Variants in NPIPB2 observed in about 807,000 individuals in gnomAD.
The protein encoded by NPIPB2 is nuclear pore complex interacting protein family member B2.
In NPIPB2, 27 loss-of-function variants were observed where a neutral mutation model predicts 30.8. The observed-to-expected ratio is 0.88, with a 90% CI of 0.65 to 1.21. The LOEUF is 1.21. Ranked by LOEUF, NPIPB2 falls within the 50% of genes most tolerant of loss-of-function variation. The probability of loss-of-function intolerance (pLI) is 0.00; values close to 1 mark genes in which losing one functional copy is unlikely to be tolerated. For synonymous variants in NPIPB2, 147 were observed against 162.0 expected (o/e 0.91, Z 0.70); for missense variants, 440 against 446.2 (o/e 0.99, Z 0.13).
chr16:11,931,340 G>T (rs1227400455), intron 4 of NPIPB2, among the ~76,000 whole-genome samples: 1 of 143,282 alleles, frequency 7.0e-6, no homozygotes, highest in Non-Finnish European at 1.5e-5. Flanking sequence ...TAAGTTTGCT[G>T]TGTTGCCCTC....
chr16:11,940,599 T>C (rs1270143149), intron 1 of NPIPB2, among the ~76,000 whole-genome samples: 1 of 133,290 alleles, frequency 7.5e-6, no homozygotes, highest in Non-Finnish European at 1.6e-5. Flanking sequence ...TAGCCAGGCG[T>C]GGTGGTCTAC....
At chr16:11,955,942 G>C (rs552211870) in intron 1 of NPIPB2, among the ~76,000 whole-genome samples, 1 of 151,864 alleles carries the variant, frequency 6.6e-6, no homozygotes, top group South Asian at 2.1e-4. Flanking sequence ...GACTCAGCCA[G>C]CCCCAGGCCT....
At chr16:11,947,383 C>A (rs564321479) in intron 1 of NPIPB2, among the ~76,000 whole-genome samples, 290 of 150,016 alleles carry the variant, frequency 1.9e-3, no homozygotes, top group African/African-American at 6.5e-3. Context: ...CTCGCTCTGT[C>A]GCCCAGGCTG....
chr16:11,965,349 T>C lies in NPIPB2; in HGVS notation c.-584+11219A>G, dbSNP rs767384244. 2.5e-6 allele frequency: 4 copies of C among 1,614,234 alleles called. No homozygotes were observed. In the South Asian group the frequency reaches 4.4e-5, roughly 18 times the overall value. On this transcript the variant is annotated intron_variant, in intron 1 of 5. Transcript: ENST00000538896. ...CATGTTGCAGATGGCTGGGCAGTGCTCCCAAAATGAATATTTTGACAGTTT... is the reference window on the plus strand; with the variant it reads ...CATGTTGCAGATGGCTGGGCAGTGCCCCCAAAATGAATATTTTGACAGTTT...
At chr16:11,961,386 C>T (rs1322650776) in intron 1 of NPIPB2, among the ~76,000 whole-genome samples, 1 of 151,952 alleles carries the variant, frequency 6.6e-6, no homozygotes, top group African/African-American at 2.4e-5. Flanking sequence ...AGTTCAAAAT[C>T]TTTCCTAGGC....
intron 1 of NPIPB2, among the ~76,000 whole-genome samples, chr16:11,962,896 G>GT (rs2055164307): frequency 6.6e-6 from 1 of 151,956 alleles, no homozygotes; most frequent in African/African-American, 2.4e-5. Context: ...GTGAAATCCT[G>GT]TCTGTACTAA....
chr16:11,952,813 G>T (rs569703075), intron 1 of NPIPB2, among the ~76,000 whole-genome samples: 1 of 152,058 alleles, frequency 6.6e-6, no homozygotes, highest in East Asian at 1.9e-4. Flanking sequence ...TAATCCACCC[G>T]CCTCGGCCTC....
rs2055191346 is a variant in NPIPB2 at position 11,966,102 on chromosome 16, C to A, written c.-584+10466G>T. 5.9e-6 allele frequency: 8 copies of A among 1,354,164 alleles called. No individual in the cohort carries two copies. In the East Asian group the frequency reaches 7.9e-5, roughly 13 times the overall value. The allele number at this position is 1,354,164 out of a possible 1,614,324, so 83.9% of individuals were successfully genotyped here. The stretch of plus-strand genomic sequence containing the variant: ...CTCTAGCCTGGGCAACAGAGCAAGA[C>A]TTTGTCTCAAAATAAATAAATAAAT... On this transcript the variant is annotated intron_variant, in intron 1 of 5. Transcript: ENST00000538896.
intron 1 of NPIPB2, chr16:11,966,141 T>A: frequency 6.7e-7 from 1 of 1,495,734 alleles, no homozygotes; most frequent in Non-Finnish European, 9.1e-7. Flanking sequence ...AACAATAAAG[T>A]ATGTGAATAT....
At chr16:11,954,151 T>C (rs2055090960) in intron 1 of NPIPB2, among the ~76,000 whole-genome samples, 1 of 152,142 alleles carries the variant, frequency 6.6e-6, no homozygotes, top group Admixed American at 6.6e-5. Context: ...TTTGTATCTC[T>C]TTCATGCAAA....
At chr16:11,946,022 CAAAA>C (rs200825715), upstream of NPIPB2, among the ~76,000 whole-genome samples, 3 of 70,182 alleles carry the variant, frequency 4.3e-5, no homozygotes, top group Non-Finnish European at 5.8e-5. Flanking sequence ...GTGGCTTCTA[CAAAA>C]AAAAAAAAAA....
intron 1 of NPIPB2, chr16:11,941,250 G>A: frequency 6.6e-7 from 1 of 1,519,152 alleles, no homozygotes; most frequent in Non-Finnish European, 8.8e-7. Context: ...GCATGTCCTG[G>A]TCCTTTCAGG....
chr16:11,966,360 C>G, intron 1 of NPIPB2: 1 of 1,601,072 alleles, frequency 6.2e-7, no homozygotes, highest in Non-Finnish European at 8.5e-7. Context: ...GATGGTGAAT[C>G]TTTGAAATCT....
Position 11,976,188 on chromosome 16 carries a change from CA to C in NPIPB2, c.-584+379del, listed in dbSNP as rs111491926. Among the ~76,000 whole-genome samples the C allele has an allele frequency of 2.7e-3, 410 of 152,212 alleles. 3 individuals carry two copies. The highest frequency in any genetic ancestry group is 8.7e-3 in the African/African-American group (361 of 41,550). On this transcript the variant is annotated intron_variant, in intron 1 of 5. Transcript: ENST00000538896. ...AGGTGATCCGCTCGCCTCGGCCTCC[CA>C]AAGTGTTGGGATTACAGGCGTGAGC... is the stretch of plus-strand genomic sequence containing the variant.
chr16:11,946,864 C>T (rs1006249182), upstream of NPIPB2, among the ~76,000 whole-genome samples: 5 of 151,638 alleles, frequency 3.3e-5, no homozygotes, highest in African/African-American at 4.8e-5. Flanking sequence ...AGATTACAGG[C>T]GCCCGCCACC....
intron 1 of NPIPB2, among the ~76,000 whole-genome samples, chr16:11,955,739 G>GAAAAAAC (rs1269623706): frequency 6.7e-5 from 10 of 148,336 alleles, no homozygotes; most frequent in Non-Finnish European, 1.3e-4. Flanking sequence ...AAAAAGAAAA[G>GAAAAAAC]AAAAAAGAAA....
upstream of NPIPB2, among the ~76,000 whole-genome samples, chr16:11,945,143 G>A (rs1422536051): frequency 3.3e-5 from 5 of 151,952 alleles, no homozygotes; most frequent in African/African-American, 9.6e-5. Context: ...CCGAGATCAC[G>A]CCATTGCACT....
intron 2 of NPIPB2, among the ~76,000 whole-genome samples, chr16:11,937,180 G>A (rs776861099): frequency 9.2e-5 from 14 of 152,130 alleles, no homozygotes; most frequent in African/African-American, 1.7e-4. Context: ...CTTCAGAGAC[G>A]AGACTGGAAG....
At chr16:11,938,675 C>T (rs1270822769) in intron 1 of NPIPB2, among the ~76,000 whole-genome samples, 1 of 151,724 alleles carries the variant, frequency 6.6e-6, no homozygotes, top group Non-Finnish European at 1.5e-5. Flanking sequence ...TTGTGTTGAA[C>T]TGCATTCAAA....
Sources: gnomAD v4.1 joint callset for allele counts (sites outside exome capture counted in the v4.1 genomes callset) on GRCh38, gnomAD v4.1.1 for gene constraint, MANE v1.5 for transcripts, NCBI Gene and HGNC (gene_info 2026-07-23, HGNC 2026-07-21) for gene names.